PLA2R1: variants seen among roughly 807,000 people sequenced by gnomAD.
PLA2R1 encodes the protein secretory phospholipase A2 receptor.
A neutral mutation model predicts 195.9 loss-of-function variants in PLA2R1; 158 were observed. That is an observed-to-expected ratio of 0.81 (90% confidence interval 0.71 to 0.92). The LOEUF (loss-of-function observed/expected upper bound fraction) is 0.92. Among genes scored for constraint, PLA2R1 ranks in the 40% least tolerant of loss-of-function variants. PLA2R1 has a pLI of 0.00. For synonymous variants in PLA2R1, 586 were observed against 598.2 expected (o/e 0.98, Z 0.30); for missense variants, 1,626 against 1,764.6 (o/e 0.92, Z 1.41).
intron 1 of PLA2R1, among the ~76,000 whole-genome samples, chr2:160,057,098 C>G (rs1338300031): frequency 6.6e-6 from 1 of 152,142 alleles, no homozygotes; most frequent in Non-Finnish European, 1.5e-5. Context: ...AGCTAGCATG[C>G]TGTGAAGAAT....
Position 159,940,016 on chromosome 2 carries a change from G to A in PLA2R1, c.*1762C>T, listed in dbSNP as rs556727483. On this transcript the variant is annotated 3_prime_UTR_variant, in exon 30 of 30. Coordinates refer to ENST00000283243, the MANE Select transcript of PLA2R1 (RefSeq NM_007366.5). ...ATTATTATAACAGTAGCAAAGAGCT[G>A]CTTTTGGAAGCTGGATTAACTGTTG... is the stretch of plus-strand genomic sequence containing the variant. 6.6e-6 allele frequency: 1 copy of A among 152,328 alleles called. No individual in the cohort carries two copies. Among genetic ancestry groups the A allele is most frequent in the African/African-American group, 2.4e-5 (1 of 41,576 alleles). The allele number at this position is 152,328 out of a possible 1,614,324, so 9.4% of individuals were successfully genotyped here.
chr2:159,968,676 G>C (rs1022157463), intron 19 of PLA2R1, among the ~76,000 whole-genome samples: 2 of 152,208 alleles, frequency 1.3e-5, no homozygotes, highest in African/African-American at 4.8e-5. Flanking sequence ...GAAGGGGAAT[G>C]AGTGGACAAT....
At chr2:159,968,070 T>C (rs1225382298) in intron 19 of PLA2R1, among the ~76,000 whole-genome samples, 1 of 152,152 alleles carries the variant, frequency 6.6e-6, no homozygotes, top group Non-Finnish European at 1.5e-5. Context: ...AGATAATTTC[T>C]ACTTTATAAT....
intron 1 of PLA2R1, among the ~76,000 whole-genome samples, chr2:160,059,614 T>C (rs1229788691): frequency 2.0e-5 from 3 of 152,174 alleles, no homozygotes; most frequent in African/African-American, 7.2e-5. Context: ...TATATAATAC[T>C]GTATCTACTG....
At chr2:160,044,731 A>C in intron 2 of PLA2R1, 43 bp downstream of exon 2, 1 of 1,551,250 alleles carries the variant, frequency 6.4e-7, no homozygotes, top group South Asian at 1.2e-5. Context: ...GGCAAACCTT[A>C]AAAAAACACC....
chr2:159,947,658 T>C, intron 25 of PLA2R1, 99 bp from the exon 26 acceptor site: 1 of 1,152,800 alleles, frequency 8.7e-7, no homozygotes, highest in Admixed American at 2.2e-5. Flanking sequence ...GATAAATATA[T>C]GTAACAAGAT....
In PLA2R1 at chr2:159,967,669, C is replaced by T. The variant is rs538507767; in HGVS notation, c.2774G>A (p.Gly925Asp). ...GFISSITGLW[G>D]SEECSVSMPS... ...CATAGAAACTGAACACTCTTCACTA[C>T]CCCAGAGTCCTGGAGGAGAAAATGG... Residue 925 changes from glycine to aspartate, a missense_variant, in exon 20 of 30, where the codon GGT (glycine) becomes GAT (aspartate). Physicochemically the swap from Gly to Asp is moderately conservative, Grantham distance 94. Transcript: ENST00000283243. 3 of 1,613,334 alleles carry T rather than the reference C, an allele frequency of 1.9e-6. No homozygotes were observed. The highest frequency in any genetic ancestry group is 1.1e-5 in the South Asian group (1 of 90,954).
At chr2:159,996,147 A>G (rs1435202313) in intron 11 of PLA2R1, among the ~76,000 whole-genome samples, 2 of 152,028 alleles carry the variant, frequency 1.3e-5, no homozygotes, top group Non-Finnish European at 2.9e-5. Context: ...CTTTATATAG[A>G]TCTGAGCTTC....
chr2:159,944,322 A>AC (rs1410655083), intron 28 of PLA2R1, among the ~76,000 whole-genome samples: 1 of 152,136 alleles, frequency 6.6e-6, no homozygotes, highest in Non-Finnish European at 1.5e-5. Context: ...TATAATACTG[A>AC]CATCTAGAAA....
intron 3 of PLA2R1, among the ~76,000 whole-genome samples, chr2:160,038,731 T>C (rs532305445): frequency 6.6e-6 from 1 of 152,154 alleles, no homozygotes; most frequent in African/African-American, 2.4e-5. Flanking sequence ...ATAGAGAGGT[T>C]GGCAGGGTCA....
At chr2:159,944,804 ACTCT>A in intron 28 of PLA2R1, 98 bp downstream of exon 28, 1 of 805,026 alleles carries the variant, frequency 1.2e-6, no homozygotes, top group Non-Finnish European at 2.1e-6. Flanking sequence ...CTATCTGAAT[ACTCT>A]CTCAACTTGG....
intron 20 of PLA2R1, among the ~76,000 whole-genome samples, chr2:159,965,189 T>C (rs1248409129): frequency 6.6e-6 from 1 of 152,216 alleles, no homozygotes; most frequent in African/African-American, 2.4e-5. Context: ...ACATTAGGGT[T>C]CACTCTTTGT....
intron 17 of PLA2R1, among the ~76,000 whole-genome samples, chr2:159,970,929 A>G (rs1454204033): frequency 7.5e-6 from 1 of 132,770 alleles, no homozygotes; most frequent in Non-Finnish European, 1.6e-5. Context: ...AGGGAGGGGA[A>G]CATCACACAC....
chr2:159,955,603 T>C (rs1203344628), intron 22 of PLA2R1, 95 bp downstream of exon 22: 6 of 520,228 alleles, frequency 1.2e-5, no homozygotes, highest in African/African-American at 2.0e-5. Context: ...AATTTATACC[T>C]ACAAAATATA....
chr2:160,020,184 G>C lies in PLA2R1; in HGVS notation c.1374C>G (p.Val458=). The C allele has an allele frequency of 6.2e-7, 1 of 1,611,938 alleles. No homozygotes were observed. The highest frequency in any genetic ancestry group is 8.5e-7 in the Non-Finnish European group (1 of 1,178,000). ...VSFEWSNDSS[V]IFTNWHTLEP... ...CAAGTGTGTGCCAATTAGTAAAGAT[G>C]ACTGAAGAGTCATTAGACCATTCAA... Residue 458 remains valine (V), a synonymous_variant, in exon 8 of 30, where the codon GTC becomes GTG. Transcript: ENST00000283243.
At chr2:160,044,247 C>T (rs1349785042) in intron 2 of PLA2R1, among the ~76,000 whole-genome samples, 1 of 152,120 alleles carries the variant, frequency 6.6e-6, no homozygotes, top group Non-Finnish European at 1.5e-5. Context: ...CCAAATAACC[C>T]CCGACAATAG....
At chr2:159,970,037 A>C in intron 18 of PLA2R1, 111 bp downstream of exon 18, 1 of 660,012 alleles carries the variant, frequency 1.5e-6, no homozygotes, top group Non-Finnish European at 2.6e-6. Flanking sequence ...GAAAATTTAT[A>C]AGTTAATGTT....
At chr2:160,016,808 C>A in intron 8 of PLA2R1, 96 bp from the exon 9 acceptor site, 1 of 665,942 alleles carries the variant, frequency 1.5e-6, no homozygotes, top group Admixed American at 2.4e-5. Flanking sequence ...GAATAATGTG[C>A]TCCCGCGTGG....
intron 12 of PLA2R1, among the ~76,000 whole-genome samples, chr2:159,986,828 C>T (rs1690376751): frequency 6.6e-6 from 1 of 152,100 alleles, no homozygotes; most frequent in African/African-American, 2.4e-5. Context: ...TTCAAGTGAG[C>T]CGCCTGCCTC....
Sources: allele counts gnomAD v4.1 joint callset (sites outside exome capture counted in the v4.1 genomes callset), GRCh38; gene constraint gnomAD v4.1.1; transcripts MANE v1.5; gene names NCBI Gene and HGNC (gene_info 2026-07-23, HGNC 2026-07-21).